ASB14: variants seen among roughly 807,000 people sequenced by gnomAD.
ASB14 encodes the protein ankyrin repeat and SOCS box containing 14.
Under a neutral mutation model 55.6 loss-of-function variants are expected in ASB14, and 63 were observed. That is an observed-to-expected ratio of 1.13 (90% CI 0.92 to 1.40). The LOEUF is 1.40. Among genes scored for constraint, ASB14 ranks in the 40% most tolerant of loss-of-function variants. The probability of loss-of-function intolerance (pLI) is 0.00; values close to 1 mark genes in which losing one functional copy is unlikely to be tolerated. For missense variants in ASB14, 724 were observed against 710.4 expected (o/e 1.02, Z -0.22); for synonymous variants, 256 against 259.9 (o/e 0.98, Z 0.15).
chr3:57,276,708 G>A lies in ASB14; in HGVS notation c.1606C>T (p.His536Tyr). 1 of 1,613,078 alleles carries A rather than the reference G, an allele frequency of 6.2e-7. No individual in the cohort carries two copies. Among genetic ancestry groups the A allele is most frequent in the Non-Finnish European group, 8.5e-7 (1 of 1,179,714 alleles). The change falls in exon 10 of 11, where the codon CAT (histidine) becomes TAT (tyrosine). Residue 536 changes from histidine (H) to tyrosine (Y), a missense_variant. His to Tyr is a moderately conservative substitution (Grantham distance 83, BLOSUM62 2). Transcript: ENST00000487349. ...TTCCGGATCTTTAGGCGGCACAAAT[G>A]TTTTAGGGAGCGAGGGTTTGCTAAA... is the stretch of plus-strand genomic sequence containing the variant. Reference protein sequence around the residue: ...FILTNPRSLKHLCRLKIRKCM... With the variant: ...FILTNPRSLKYLCRLKIRKCM...
chr3:57,291,891 T>C (rs1579441716), intron 2 of ASB14, 21 bp downstream of exon 2: 1 of 1,517,274 alleles, frequency 6.6e-7, no homozygotes, highest in East Asian at 2.5e-5. Context: ...AATACTATAT[T>C]GCCGATGAGA....
intron 2 of ASB14, among the ~76,000 whole-genome samples, chr3:57,290,697 T>C (rs1464788979): frequency 3.3e-5 from 5 of 152,208 alleles, no homozygotes. Context: ...TCAATTTCAG[T>C]TTCTCTGAAA....
chr3:57,288,334 A>C, intron 3 of ASB14, 48 bp from the exon 4 acceptor site: 1 of 1,525,156 alleles, frequency 6.6e-7, no homozygotes, highest in East Asian at 2.4e-5. Context: ...CACACTTACA[A>C]GGAAGCCCAT....
intron 10 of ASB14, among the ~76,000 whole-genome samples, chr3:57,274,469 G>A (rs145152891): frequency 6.6e-6 from 1 of 152,142 alleles, no homozygotes; most frequent in South Asian, 2.1e-4. Context: ...GATCACTTAA[G>A]GTCAGGAGGT....
intron 4 of ASB14, 22 bp downstream of exon 4, chr3:57,288,133 A>G (rs772851852): frequency 3.2e-5 from 49 of 1,536,460 alleles, no homozygotes; most frequent in Non-Finnish European, 3.9e-5. Context: ...AGAAGCATCA[A>G]GAAGAATCAA....
At chr3:57,288,405 CT>C in intron 3 of ASB14, 119 bp from the exon 4 acceptor site, 1 of 1,126,926 alleles carries the variant, frequency 8.9e-7, no homozygotes, top group Non-Finnish European at 1.3e-6. Context: ...CTAGCACCAC[CT>C]TTTATGAAAG....
In ASB14 at chr3:57,277,783, TTC is replaced by T; in HGVS notation, c.1567_1568del (p.Glu523AsnfsTer70). 6.2e-7 allele frequency: 1 copy of T among 1,611,446 alleles called. No individual in the cohort carries two copies. Among genetic ancestry groups the T allele is most frequent in the East Asian group, 2.2e-5 (1 of 44,848 alleles). The part of the protein sequence containing the change: ...AVLQKQGIWS[E>X]IHFILTNPRS... ...GATACTTACTTAAGATAAAATGTAT[TTC>T]TGACCAGATCCCCTGTTTTTGGAGC... is the stretch of plus-strand genomic sequence containing the variant. On this transcript the variant is annotated frameshift_variant, in exon 9 of 11. Coordinates refer to ENST00000487349, the MANE Select transcript of ASB14 (RefSeq NM_001142733.3). LOFTEE classifies it high-confidence loss of function.
chr3:57,286,274 CTTTT>C (rs541957246), intron 5 of ASB14, among the ~76,000 whole-genome samples: 1 of 138,536 alleles, frequency 7.2e-6, no homozygotes, highest in Non-Finnish European at 1.6e-5. Context: ...AGTGACTTGT[CTTTT>C]TTTTTTTCAG....
At chr3:57,269,846 C>T (rs1456848194) in intron 10 of ASB14, 12 of 840,582 alleles carry the variant, frequency 1.4e-5, no homozygotes, top group Non-Finnish European at 2.1e-5. Context: ...AACTTGATGA[C>T]TTAGGTTTGC....
chr3:57,276,412 A>T, intron 10 of ASB14, 116 bp downstream of exon 10: 1 of 731,392 alleles, frequency 1.4e-6, no homozygotes, highest in Non-Finnish European at 2.1e-6. Flanking sequence ...CAGCCTCCCA[A>T]GCAGAGCTAC....
chr3:57,276,786 G>C, intron 9 of ASB14, 58 bp from the exon 10 acceptor site: 2 of 1,493,060 alleles, frequency 1.3e-6, no homozygotes, highest in Non-Finnish European at 1.8e-6. Flanking sequence ...TAGTATCTTA[G>C]GGTTTTGTTA....
intron 7 of ASB14, 79 bp from the exon 8 acceptor site, chr3:57,278,999 A>G (rs769457473): frequency 1.5e-6 from 2 of 1,368,080 alleles, no homozygotes; most frequent in East Asian, 2.4e-5. Context: ...TTTTATAGCA[A>G]TACTAGATAG....
At chr3:57,277,256 C>CT (rs1184687091) in intron 9 of ASB14, among the ~76,000 whole-genome samples, 1 of 91,052 alleles carries the variant, frequency 1.1e-5, no homozygotes, top group Non-Finnish European at 2.1e-5. Flanking sequence ...GACACAGACT[C>CT]TGTCTCAAAA....
intron 5 of ASB14, among the ~76,000 whole-genome samples, chr3:57,284,941 G>GTTGT (rs1553640161): frequency 7.6e-6 from 1 of 132,182 alleles, no homozygotes; most frequent in African/African-American, 2.8e-5. Context: ...TTTCAGTGTT[G>GTTGT]TTTTTTTTTT....
intron 10 of ASB14, 57 bp downstream of exon 10, chr3:57,276,471 A>G: frequency 7.4e-7 from 1 of 1,343,830 alleles, no homozygotes; most frequent in Non-Finnish European, 1.0e-6. Flanking sequence ...TGGGTAAAGC[A>G]AAAAATATGA....
rs2061011767 is a variant in ASB14, at chr3:57,278,718, C to T, written c.1090G>A (p.Val364Ile). 6.2e-7 allele frequency: 1 copy of T among 1,613,990 alleles called. No homozygotes were observed. The highest frequency in any genetic ancestry group is 1.1e-5 in the South Asian group (1 of 91,058). ...ACTGAAGAGAGGTCACTGTTTGATA[C>T]AGCAAAATACAAAGCTGACTTCCTG... ...DHRKSALYFA[V>I]SNSDLSSVKL... Residue 364 changes from valine (V) to isoleucine (I), a missense_variant, in exon 8 of 11, where the codon GTA (valine) becomes ATA (isoleucine). Transcript: ENST00000487349.
rs762065531 is a variant in ASB14 at position 57,283,270 on chromosome 3, G to A, written c.639C>T (p.Ser213=). Residue 213 remains serine, a synonymous_variant, in exon 6 of 11, where the codon AGC becomes AGT. Transcript: ENST00000487349. ...LVSGAHPDPQ[S]TYGFTPLALA... ...GAGCAAGAGGAGTGAATCCATACGT[G>A]CTCTGTGGGTCAGGGTGTGCCCCAG... is the stretch of plus-strand genomic sequence containing the variant. 182 of 1,551,896 alleles carry A rather than the reference G, an allele frequency of 1.2e-4. No individual in the cohort carries two copies. The highest frequency in any genetic ancestry group is 1.5e-4 in the Non-Finnish European group (171 of 1,147,060).
intron 3 of ASB14, 21 bp downstream of exon 3, chr3:57,289,047 A>C (rs2061106749): frequency 6.7e-7 from 1 of 1,481,524 alleles, no homozygotes; most frequent in Non-Finnish European, 9.1e-7. Flanking sequence ...ACCACAAGTT[A>C]AAGGGGATAG....
At chr3:57,289,939 A>G (rs1386209706) in intron 2 of ASB14, among the ~76,000 whole-genome samples, 3 of 151,900 alleles carry the variant, frequency 2.0e-5, no homozygotes, top group African/African-American at 4.8e-5. Flanking sequence ...GAGCCACCAC[A>G]CCCGGCCACC....
Sources: allele counts gnomAD v4.1 joint callset (sites outside exome capture counted in the v4.1 genomes callset), GRCh38; gene constraint gnomAD v4.1.1; transcripts MANE v1.5; gene names NCBI Gene and HGNC (gene_info 2026-07-23, HGNC 2026-07-21).